The following AGTPBP1 variants were observed in gnomAD, a reference collection of about 807,000 sequenced individuals.
AGTPBP1 encodes the protein cytosolic carboxypeptidase 1.
AGTPBP1 carries 70 observed loss-of-function variants against 143.9 expected under a neutral mutation model. The observed-to-expected ratio is 0.49, with a 90% CI of 0.40 to 0.59. The LOEUF is 0.59. Ranked by LOEUF, AGTPBP1 falls within the 20% of genes least tolerant of loss-of-function variation. The probability of loss-of-function intolerance (pLI) is 0.00; values close to 1 mark genes in which losing one functional copy is unlikely to be tolerated. For missense variants in AGTPBP1, 1,229 were observed against 1,464.5 expected, an observed-to-expected ratio of 0.84 and a Z score of 2.62; for synonymous variants, 463 against 500.2, an observed-to-expected ratio of 0.93 and a Z score of 0.99.
intron 1 of AGTPBP1, among the ~76,000 whole-genome samples, chr9:85,718,492 C>G (rs1276270103): frequency 6.6e-6 from 1 of 152,064 alleles, no homozygotes; most frequent in Non-Finnish European, 1.5e-5. Context: ...TGTTCATATC[C>G]TTTGCCCACT....
In AGTPBP1 at chr9:85,681,745, CT is replaced by C. The variant is rs1204253430; in HGVS notation, c.158-411del. Among the ~76,000 whole-genome samples, 1,002 of 105,878 alleles carry C rather than the reference CT, an allele frequency of 9.5e-3. 1 individual carries two copies. The highest frequency in any genetic ancestry group is 0.016 in the South Asian group (44 of 2,742). 69.5% of individuals were successfully genotyped at this position (105,878 alleles called of 152,430 possible). ...TCCAATGCTATGATTGCATTAATAT[CT>C]TTTTTTTTTTTTTTTTTTTTTGAGA... On this transcript the variant is annotated intron_variant, in intron 3 of 25. Coordinates refer to ENST00000357081, the MANE Select transcript of AGTPBP1 (RefSeq NM_001330701.2).
chr9:85,723,982 A>T (rs1329835431), intron 1 of AGTPBP1, among the ~76,000 whole-genome samples: 1 of 152,182 alleles, frequency 6.6e-6, no homozygotes, highest in Non-Finnish European at 1.5e-5. Flanking sequence ...TCCAGCCACC[A>T]GAACTGTTAG....
intron 11 of AGTPBP1, 54 bp from the exon 12 acceptor site, chr9:85,646,472 C>A (rs1832816682): frequency 8.4e-7 from 1 of 1,184,394 alleles, no homozygotes; most frequent in East Asian, 2.3e-5. Flanking sequence ...CTACAATATG[C>A]ATAGCCAATG....
At chr9:85,621,407 CTCTA>C (rs1418964880) in intron 14 of AGTPBP1, 122 bp from the exon 15 acceptor site, 1 of 400,414 alleles carries the variant, frequency 2.5e-6, no homozygotes, top group Non-Finnish European at 4.3e-6. Context: ...ATGATTATTC[CTCTA>C]TCTATATATT....
intron 2 of AGTPBP1, among the ~76,000 whole-genome samples, chr9:85,696,499 C>T (rs1309558957): frequency 6.6e-6 from 1 of 152,016 alleles, no homozygotes; most frequent in Non-Finnish European, 1.5e-5. Context: ...GAAACCCCAT[C>T]TCTACTAAAA....
chr9:85,749,525 A>G, the AGTPBP1 span, among the ~76,000 whole-genome samples: 1 of 152,150 alleles, frequency 6.6e-6, no homozygotes, highest in African/African-American at 2.4e-5. Context: ...TACTTGACTA[A>G]ACCATTTCCA....
intron 14 of AGTPBP1, among the ~76,000 whole-genome samples, chr9:85,630,198 T>C (rs1223972227): frequency 2.0e-5 from 3 of 152,162 alleles, no homozygotes; most frequent in Admixed American, 6.5e-5. Context: ...GTCGTTCAGA[T>C]TCTTCAAAAA....
intron 11 of AGTPBP1, among the ~76,000 whole-genome samples, chr9:85,653,871 T>C (rs1224632118): frequency 6.6e-6 from 1 of 152,188 alleles, no homozygotes; most frequent in Non-Finnish European, 1.5e-5. Flanking sequence ...TAATTTCAAA[T>C]GGAATGGGAA....
intron 6 of AGTPBP1, among the ~76,000 whole-genome samples, chr9:85,675,046 G>T (rs1013170258): frequency 2.6e-5 from 4 of 151,952 alleles, no homozygotes; most frequent in Non-Finnish European, 5.9e-5. Context: ...ACAGGTAGGC[G>T]CCACCATGCC....
chr9:85,720,638 A>AT (rs761554491), intron 1 of AGTPBP1, among the ~76,000 whole-genome samples: 4 of 148,930 alleles, frequency 2.7e-5, no homozygotes, highest in Non-Finnish European at 4.5e-5. Flanking sequence ...TTTTTAAGGG[A>AT]TTTTTTGTGT....
chr9:85,760,959 T>G, the AGTPBP1 span, among the ~76,000 whole-genome samples: 3 of 152,144 alleles, frequency 2.0e-5, no homozygotes, highest in Non-Finnish European at 2.9e-5. Context: ...TCACAAGCAT[T>G]CTTATACACC....
chr9:85,588,520 T>C lies in AGTPBP1; in HGVS notation c.2723-42A>G, dbSNP rs770071794. On this transcript the variant is annotated intron_variant, in intron 20 of 25. Transcript: ENST00000357081. ...ATCTCAAATTAAAATGAACAGCTAC[T>C]AAAAGTTTGTATATTTTACTTTGGG... 7 of 1,581,958 alleles carry C rather than the reference T, an allele frequency of 4.4e-6. No homozygotes were observed. The African/African-American group carries it at 9.6e-5, about 22-fold the overall frequency.
At chr9:85,550,563 A>T (rs945798307) in intron 25 of AGTPBP1, among the ~76,000 whole-genome samples, 3 of 152,156 alleles carry the variant, frequency 2.0e-5, no homozygotes, top group Middle Eastern at 3.2e-3. Flanking sequence ...GAACAAGTTC[A>T]TCTATTTTCT....
chr9:85,550,846 A>C lies in AGTPBP1; in HGVS notation c.3504-3560T>G, dbSNP rs370229873. ...CTCCATGCCTCACATTTCATACTGCAAGCCTTCACCAGCACTGTTTCCTCT... is the reference window on the plus strand; with the variant it reads ...CTCCATGCCTCACATTTCATACTGCCAGCCTTCACCAGCACTGTTTCCTCT... On this transcript the variant is annotated intron_variant, in intron 25 of 25. Transcript: ENST00000357081. Among the ~76,000 whole-genome samples, 12 of 152,250 alleles carry C rather than the reference A, an allele frequency of 7.9e-5. No homozygotes were observed. The South Asian group carries it at 2.3e-3, about 29-fold the overall frequency.
chr9:85,690,756 GT>G (rs752268596), intron 3 of AGTPBP1, among the ~76,000 whole-genome samples: 8 of 151,498 alleles, frequency 5.3e-5, no homozygotes, highest in Non-Finnish European at 1.0e-4. Context: ...AGTATTTTCA[GT>G]GGTGGGAAGA....
the AGTPBP1 span, among the ~76,000 whole-genome samples, chr9:85,775,907 A>AACACCCTCACAGAC: frequency 6.6e-6 from 1 of 152,120 alleles, no homozygotes; most frequent in African/African-American, 2.4e-5. Flanking sequence ...CTCCTTTGGC[A>AACACCCTCACAGAC]ACACCCTCAC....
At chr9:85,794,020 T>C in the AGTPBP1 span, among the ~76,000 whole-genome samples, 1 of 152,154 alleles carries the variant, frequency 6.6e-6, no homozygotes, top group Non-Finnish European at 1.5e-5. Context: ...AAAAGCCCTA[T>C]CCCTCAAGGA....
At chr9:85,624,459 C>T (rs760434962) in intron 14 of AGTPBP1, among the ~76,000 whole-genome samples, 1 of 152,200 alleles carries the variant, frequency 6.6e-6, no homozygotes, top group Non-Finnish European at 1.5e-5. Flanking sequence ...TGCATATATA[C>T]ACTGCATATA....
chr9:85,639,500 G>C (rs540921034), intron 13 of AGTPBP1, among the ~76,000 whole-genome samples: 14 of 152,102 alleles, frequency 9.2e-5, no homozygotes, highest in Middle Eastern at 3.4e-3. Flanking sequence ...TCAAGACACA[G>C]CACTTTAAAC....
Sources: gnomAD v4.1 joint callset for allele counts (sites outside exome capture counted in the v4.1 genomes callset) on GRCh38, gnomAD v4.1.1 for gene constraint, MANE v1.5 for transcripts, NCBI Gene and HGNC (gene_info 2026-07-23, HGNC 2026-07-21) for gene names.